The following PTN variants were observed in gnomAD, a reference collection of about 807,000 sequenced individuals.
PTN encodes heparin affin regulatory protein.
PTN carries 18 observed loss-of-function variants against 24.1 expected under a neutral mutation model. That is an observed-to-expected ratio of 0.75 (90% CI 0.52 to 1.11). The LOEUF (loss-of-function observed/expected upper bound fraction) is 1.11. PTN is among the 50% of genes least tolerant of loss of function. The probability of loss-of-function intolerance (pLI) is 0.00; values close to 1 mark genes in which losing one functional copy is unlikely to be tolerated. For missense variants in PTN, 163 were observed against 198.8 expected, an observed-to-expected ratio of 0.82 and a Z score of 1.08; for synonymous variants, 78 against 68.6, an observed-to-expected ratio of 1.14 and a Z score of -0.67.
rs769355374 is a variant in PTN at position 137,343,664 on chromosome 7, C to A, written c.-227G>T. The A allele has an allele frequency of 1.9e-6, 1 of 515,612 alleles. No homozygotes were observed. Among genetic ancestry groups the A allele is most frequent in the African/African-American group, 1.9e-5 (1 of 51,784 alleles). 31.9% of individuals were successfully genotyped at this position (515,612 alleles called of 1,614,324 possible). A position where few individuals can be genotyped will look rare whatever the true frequency, so the allele number is the denominator to read the frequency against. On this transcript the variant is annotated 5_prime_UTR_variant, in exon 1 of 5. Coordinates refer to ENST00000348225, the MANE Select transcript of PTN (RefSeq NM_002825.7). The stretch of plus-strand genomic sequence containing the variant: ...TTGGCGGGATTTTTGGACTGGAAGG[C>A]GGGGAACCTGATCCTGCCTTTGACT...
intron 1 of PTN, among the ~76,000 whole-genome samples, chr7:137,266,868 C>CTTTTTTTTTTTTTTTTTT (rs57274644): frequency 1.0e-5 from 1 of 98,742 alleles, no homozygotes; most frequent in Non-Finnish European, 2.2e-5. Flanking sequence ...TATAGATGGC[C>CTTTTTTTTTTTTTTTTTT]TTTTTTTTTT....
chr7:137,235,542 C>T (rs541176464), intron 4 of PTN, among the ~76,000 whole-genome samples: 2 of 152,286 alleles, frequency 1.3e-5, no homozygotes, highest in South Asian at 2.1e-4. Context: ...ATGTGTTATT[C>T]ACAGATGTAG....
At chr7:137,301,630 G>C (rs978792797) in intron 1 of PTN, among the ~76,000 whole-genome samples, 2 of 151,422 alleles carry the variant, frequency 1.3e-5, no homozygotes, top group African/African-American at 4.8e-5. Flanking sequence ...CAGAACAGAA[G>C]CTTAAATGTT....
chr7:137,243,468 A>T (rs1334301280), intron 4 of PTN, among the ~76,000 whole-genome samples: 1 of 152,166 alleles, frequency 6.6e-6, no homozygotes, highest in African/African-American at 2.4e-5. Flanking sequence ...CACAGGAGAG[A>T]GGGGTAAGTC....
chr7:137,308,748 T>A (rs1046771606), intron 1 of PTN, among the ~76,000 whole-genome samples: 5 of 152,136 alleles, frequency 3.3e-5, no homozygotes, highest in Admixed American at 6.6e-5. Flanking sequence ...TGGCTCTCAG[T>A]AAGTTCCCTG....
At chr7:137,328,061 A>G (rs1259200602) in intron 1 of PTN, among the ~76,000 whole-genome samples, 1 of 152,206 alleles carries the variant, frequency 6.6e-6, no homozygotes, top group Non-Finnish European at 1.5e-5. Flanking sequence ...CACTAACTAT[A>G]TTATAAAATA....
intron 4 of PTN, among the ~76,000 whole-genome samples, chr7:137,231,359 C>T (rs1808423972): frequency 6.6e-6 from 1 of 151,748 alleles, no homozygotes; most frequent in South Asian, 2.1e-4. Flanking sequence ...CTCCTACTAC[C>T]CCAATTTGCA....
At chr7:137,315,883 T>C (rs894243936) in intron 1 of PTN, among the ~76,000 whole-genome samples, 1 of 152,154 alleles carries the variant, frequency 6.6e-6, no homozygotes, top group African/African-American at 2.4e-5. Flanking sequence ...TCTCTGCCTC[T>C]GCCACTGGGT....
At chr7:137,313,403 C>T (rs777522732) in intron 1 of PTN, among the ~76,000 whole-genome samples, 48 of 152,136 alleles carry the variant, frequency 3.2e-4, no homozygotes, top group Non-Finnish European at 5.1e-4. Flanking sequence ...GACACAGGCA[C>T]GGTGTGTGGC....
chr7:137,330,790 T>C (rs1810344447), intron 1 of PTN, among the ~76,000 whole-genome samples: 1 of 152,158 alleles, frequency 6.6e-6, no homozygotes, highest in African/African-American at 2.4e-5. Flanking sequence ...TCCACAGAGC[T>C]GGAGTGATTT....
intron 1 of PTN, among the ~76,000 whole-genome samples, chr7:137,322,523 T>C (rs573623340): frequency 1.4e-4 from 21 of 152,216 alleles, no homozygotes; most frequent in Admixed American, 1.3e-3. Context: ...AGGAAAATTA[T>C]GGTTTTTTTT....
At chr7:137,269,829 C>T (rs1809243964) in intron 1 of PTN, among the ~76,000 whole-genome samples, 1 of 151,856 alleles carries the variant, frequency 6.6e-6, no homozygotes, top group African/African-American at 2.4e-5. Flanking sequence ...GATGGGATTT[C>T]ACCATGTTGG....
At chr7:137,296,454 G>A (rs1004842278) in intron 1 of PTN, among the ~76,000 whole-genome samples, 1 of 152,002 alleles carries the variant, frequency 6.6e-6, no homozygotes, top group African/African-American at 2.4e-5. Flanking sequence ...GAGAAGGCAG[G>A]AGAAAGAGTA....
intron 1 of PTN, among the ~76,000 whole-genome samples, chr7:137,322,345 T>C (rs1017714358): frequency 2.6e-5 from 4 of 152,110 alleles, no homozygotes; most frequent in Non-Finnish European, 4.4e-5. Flanking sequence ...ATAAAACATA[T>C]CAGTTCATAT....
At chr7:137,266,775 G>T (rs1585020521) in intron 1 of PTN, among the ~76,000 whole-genome samples, 1 of 141,508 alleles carries the variant, frequency 7.1e-6, no homozygotes, top group Non-Finnish European at 1.5e-5. Flanking sequence ...TTTTACTTTT[G>T]TTGAAAACCT....
At chr7:137,244,524 T>TC (rs962510580) in intron 4 of PTN, among the ~76,000 whole-genome samples, 6 of 151,308 alleles carry the variant, frequency 4.0e-5, no homozygotes, top group East Asian at 3.9e-4. Flanking sequence ...ATGCTATCCC[T>TC]CCCCCCTCCT....
intron 1 of PTN, among the ~76,000 whole-genome samples, chr7:137,339,806 A>G (rs1445778292): frequency 6.6e-6 from 1 of 152,126 alleles, no homozygotes; most frequent in Non-Finnish European, 1.5e-5. Flanking sequence ...GAAATGAGAG[A>G]AAAGAAGGAG....
At chr7:137,254,704 T>A (rs1432431459) in intron 2 of PTN, among the ~76,000 whole-genome samples, 155 bp downstream of exon 2, 2 of 152,106 alleles carry the variant, frequency 1.3e-5, no homozygotes, top group Non-Finnish European at 1.5e-5. Context: ...TTTCTTAGGT[T>A]CCTCTAAGTA....
intron 1 of PTN, among the ~76,000 whole-genome samples, chr7:137,279,049 G>T (rs1379176365): frequency 2.6e-5 from 4 of 151,024 alleles, no homozygotes; most frequent in African/African-American, 9.7e-5. Context: ...AAATTCACAT[G>T]AGTAGAAAAA....
Sources: allele counts gnomAD v4.1 joint callset (sites outside exome capture counted in the v4.1 genomes callset), GRCh38; gene constraint gnomAD v4.1.1; transcripts MANE v1.5; gene names NCBI Gene and HGNC (gene_info 2026-07-23, HGNC 2026-07-21).